Variants in VPS13B observed in about 807,000 individuals in gnomAD.
The protein encoded by VPS13B is intermembrane lipid transfer protein VPS13B.
A neutral mutation model predicts 426.4 loss-of-function variants in VPS13B; 285 were observed. The ratio of observed to expected loss-of-function variants is 0.67; its 90% CI spans 0.61 to 0.74. The LOEUF is 0.74. Among genes scored for constraint, VPS13B ranks in the 30% least tolerant of loss-of-function variants. The pLI, the probability that VPS13B is intolerant of heterozygous loss-of-function variation, is 0.00. For missense variants in VPS13B, 4,537 were observed against 4,782.6 expected (o/e 0.95, Z 1.51); for synonymous variants, 1,676 against 1,676.4 (o/e 1.00, Z 0.01).
chr8:99,347,503 A>G (rs1811604810), intron 19 of VPS13B: 1 of 152,234 alleles, frequency 6.6e-6, no homozygotes, highest in Non-Finnish European at 1.5e-5. Flanking sequence ...GAGGGCCCCA[A>G]TTTCTACACC....
intron 12 of VPS13B, among the ~76,000 whole-genome samples, chr8:99,142,147 A>G (rs1317235712): frequency 6.6e-6 from 1 of 152,182 alleles, no homozygotes; most frequent in Non-Finnish European, 1.5e-5. Flanking sequence ...TGCATGAAAT[A>G]ATGGAAATAT....
chr8:99,547,788 C>T (rs1311974902), intron 30 of VPS13B, among the ~76,000 whole-genome samples: 1 of 151,980 alleles, frequency 6.6e-6, no homozygotes, highest in Non-Finnish European at 1.5e-5. Flanking sequence ...AATTATAACT[C>T]CTACATTGTA....
intron 33 of VPS13B, among the ~76,000 whole-genome samples, chr8:99,639,731 G>A (rs181326111): frequency 6.7e-6 from 1 of 148,796 alleles, no homozygotes; most frequent in East Asian, 1.9e-4. Flanking sequence ...GCAGCTTTGG[G>A]AGGCTGAGGC....
intron 24 of VPS13B, among the ~76,000 whole-genome samples, chr8:99,468,900 A>G (rs1394365691): frequency 6.6e-6 from 1 of 152,072 alleles, no homozygotes; most frequent in Non-Finnish European, 1.5e-5. Context: ...ATCAGCTTGC[A>G]TTCCATATTT....
chr8:99,530,587 C>G (rs1822879727), intron 30 of VPS13B, among the ~76,000 whole-genome samples: 1 of 148,386 alleles, frequency 6.7e-6, no homozygotes, highest in Admixed American at 6.8e-5. Flanking sequence ...GCACTCCAGC[C>G]TGGGCAACAG....
intron 29 of VPS13B, among the ~76,000 whole-genome samples, chr8:99,520,655 G>T (rs1822332225): frequency 6.6e-6 from 1 of 151,840 alleles, no homozygotes; most frequent in South Asian, 2.1e-4. Flanking sequence ...GAGTGGAGTT[G>T]TTTTTCTTTT....
rs148565695 is a variant in VPS13B at position 99,562,517 on chromosome 8, G to A, written c.4949+5864G>A. 2.0e-4 allele frequency among the ~76,000 whole-genome samples: 31 copies of A among 152,246 alleles called. No homozygotes were observed. In the East Asian group the frequency reaches 5.6e-3, roughly 27 times the overall value. On this transcript the variant is annotated intron_variant, in intron 31 of 61. Coordinates refer to ENST00000357162, the MANE Select transcript of VPS13B (RefSeq NM_152564.5). Reference sequence around the variant, plus strand: ...GCTGGCCTCGAACTTCTAACCTCAAGCGATCCACCAGCCTTAGCCTCCCAA... The same window carrying A: ...GCTGGCCTCGAACTTCTAACCTCAAACGATCCACCAGCCTTAGCCTCCCAA...
At chr8:99,854,820 C>G (rs1816466885) in intron 56 of VPS13B, among the ~76,000 whole-genome samples, 1 of 152,116 alleles carries the variant, frequency 6.6e-6, no homozygotes, top group Non-Finnish European at 1.5e-5. Flanking sequence ...TCTATCTACC[C>G]AGTGCTGCAC....
chr8:99,747,671 A>T (rs1288915690), intron 39 of VPS13B, among the ~76,000 whole-genome samples: 1 of 152,102 alleles, frequency 6.6e-6, no homozygotes, highest in South Asian at 2.1e-4. Flanking sequence ...GTAAGCCATT[A>T]TTTTTATTGT....
At chr8:99,856,479 C>T (rs552025340) in intron 56 of VPS13B, among the ~76,000 whole-genome samples, 5 of 152,328 alleles carry the variant, frequency 3.3e-5, no homozygotes, top group Admixed American at 2.6e-4. Flanking sequence ...AGTGCCCCTG[C>T]CTGTCATGGA....
intron 8 of VPS13B, among the ~76,000 whole-genome samples, chr8:99,132,227 C>T (rs142987688): frequency 1.3e-5 from 2 of 152,272 alleles, no homozygotes; most frequent in East Asian, 3.9e-4. Context: ...AAATTGAAGT[C>T]AGTCCTTTTC....
At chr8:99,729,488 G>A (rs1269705331) in intron 39 of VPS13B, among the ~76,000 whole-genome samples, 1 of 152,172 alleles carries the variant, frequency 6.6e-6, no homozygotes, top group African/African-American at 2.4e-5. Context: ...AGACACACAT[G>A]AGATAGTTTC....
intron 43 of VPS13B, chr8:99,804,232 A>G (rs1813275518): frequency 6.5e-6 from 1 of 152,756 alleles, no homozygotes; most frequent in South Asian, 1.9e-4. Flanking sequence ...ATGAGGCAGC[A>G]GGAATTCGAT....
intron 39 of VPS13B, among the ~76,000 whole-genome samples, chr8:99,749,530 A>G (rs1432405316): frequency 6.6e-6 from 1 of 151,906 alleles, no homozygotes; most frequent in Non-Finnish European, 1.5e-5. Context: ...ATTTAACGTA[A>G]TGTCCTCCGG....
intron 17 of VPS13B, among the ~76,000 whole-genome samples, chr8:99,251,290 G>C (rs1333251041): frequency 1.3e-5 from 2 of 152,080 alleles, no homozygotes; most frequent in African/African-American, 4.8e-5. Context: ...AGTGATTTTA[G>C]GTGTTTTTGT....
At position 99,749,507 on chromosome 8, in the gene VPS13B, C is replaced by T. The variant is rs149412864; in HGVS notation, c.7051-17267C>T. 2.2e-3 allele frequency among the ~76,000 whole-genome samples: 332 copies of T among 152,076 alleles called. 2 individuals are homozygous for T. Among genetic ancestry groups the T allele is most frequent in the African/African-American group, 7.5e-3 (311 of 41,496 alleles). ...AGCATGCAGAGTTTGTTTTTCTGTG[C>T]CTGGCTTATTTCATTTAACGTAATG... On this transcript the variant is annotated intron_variant, in intron 39 of 61. Transcript: ENST00000357162.
At chr8:99,181,014 C>T (rs141835033) in intron 16 of VPS13B, among the ~76,000 whole-genome samples, 225 of 152,288 alleles carry the variant, frequency 1.5e-3, no homozygotes, top group African/African-American at 5.1e-3. Context: ...CTATATCCAT[C>T]AAAATCTGTA....
At chr8:99,541,931 T>C (rs996012529) in intron 30 of VPS13B, among the ~76,000 whole-genome samples, 1 of 152,168 alleles carries the variant, frequency 6.6e-6, no homozygotes, top group Non-Finnish European at 1.5e-5. Flanking sequence ...CTAGATGTAA[T>C]GGAGACCTTT....
At chr8:99,120,970 A>G (rs920897157) in intron 7 of VPS13B, among the ~76,000 whole-genome samples, 2 of 152,218 alleles carry the variant, frequency 1.3e-5, no homozygotes, top group Non-Finnish European at 2.9e-5. Context: ...ACCATAACCT[A>G]CTAAAGGAGA....
Sources: gnomAD v4.1 joint callset for allele counts (sites outside exome capture counted in the v4.1 genomes callset) on GRCh38, gnomAD v4.1.1 for gene constraint, MANE v1.5 for transcripts, NCBI Gene and HGNC (gene_info 2026-07-23, HGNC 2026-07-21) for gene names.